The following CFAP69 variants were observed in gnomAD, a reference collection of about 807,000 sequenced individuals.
The protein encoded by CFAP69 is cilia and flagella associated protein 69, also known as cilia- and flagella-associated protein 69.
Under a neutral mutation model 123.0 loss-of-function variants are expected in CFAP69, and 92 were observed. The observed-to-expected ratio is 0.75, with a 90% CI of 0.63 to 0.89. The LOEUF (loss-of-function observed/expected upper bound fraction) is 0.89. Among genes scored for constraint, CFAP69 ranks in the 40% least tolerant of loss-of-function variants. The probability of loss-of-function intolerance (pLI) is 0.00; values close to 1 mark genes in which losing one functional copy is unlikely to be tolerated. For synonymous variants in CFAP69, 380 were observed against 364.3 expected (o/e 1.04, Z -0.49); for missense variants, 1,067 against 1,096.9 (o/e 0.97, Z 0.39).
At position 90,303,974 on chromosome 7, in the gene CFAP69, A is replaced by G; in HGVS notation, c.2056A>G (p.Lys686Glu). The G allele has an allele frequency of 2.6e-6, 4 of 1,548,662 alleles. No individual in the cohort carries two copies. Among genetic ancestry groups the G allele is most frequent in the Non-Finnish European group, 2.6e-6 (3 of 1,145,454 alleles). ...TCATGCTATCCAATGATTAGATACA[A>G]AAAAACCTCTATTTACTAGCTTTCA... The part of the protein sequence containing the change: ...RDKNGKIIDT[K>E]KPLFTSFQEE... The change falls in exon 18 of 23, where the codon AAA becomes GAA. Residue 686 changes from lysine to glutamate, a missense_variant. Physicochemically the swap from Lys to Glu is moderately conservative, Grantham distance 56. Transcript: ENST00000389297.
chr7:90,293,332 A>G (rs1791475235), intron 15 of CFAP69, among the ~76,000 whole-genome samples: 1 of 152,208 alleles, frequency 6.6e-6, no homozygotes, highest in Non-Finnish European at 1.5e-5. Flanking sequence ...TAAGATTCTC[A>G]TAAACCTTTT....
At chr7:90,313,588 G>A (rs551114045), downstream of CFAP69, among the ~76,000 whole-genome samples, 5 of 152,150 alleles carry the variant, frequency 3.3e-5, no homozygotes, top group African/African-American at 1.2e-4. Context: ...ATCTTACTGA[G>A]CTCCCAGTGG....
At position 90,304,705 on chromosome 7, in the gene CFAP69, T is replaced by C. The variant is rs754699696; in HGVS notation, c.2189-39T>C. 10 of 1,580,894 alleles carry C rather than the reference T, an allele frequency of 6.3e-6. No individual in the cohort carries two copies. The African/African-American group carries it at 1.1e-4, about 17-fold the overall frequency. ...TAGATAGATTCTTAGAATCACTTGC[T>C]CTGCTAAAGTAATTCTGTCTTTATA... is the stretch of plus-strand genomic sequence containing the variant. On this transcript the variant is annotated intron_variant, in intron 18 of 22. Coordinates refer to ENST00000389297, the MANE Select transcript of CFAP69 (RefSeq NM_001039706.3).
rs1794212375 is a variant in CFAP69, at chr7:90,310,433, C to T, written c.*195C>T. The T allele has an allele frequency of 3.2e-6, 1 of 315,546 alleles. No homozygotes were observed. Among genetic ancestry groups the T allele is most frequent in the Admixed American group, 4.7e-5 (1 of 21,398 alleles). The allele number at this position is 315,546 out of a possible 1,614,324, so 19.5% of individuals were successfully genotyped here. A position where few individuals can be genotyped will look rare whatever the true frequency, so the allele number is the denominator to read the frequency against. Reference sequence around the variant, plus strand: ...CATGTAATATCAGAAGAGTTGTCATCAGTTTCTTTGGAAAGGCTACCAATT... The same window carrying T: ...CATGTAATATCAGAAGAGTTGTCATTAGTTTCTTTGGAAAGGCTACCAATT... On this transcript the variant is annotated 3_prime_UTR_variant, in exon 23 of 23. Coordinates refer to ENST00000389297, the MANE Select transcript of CFAP69 (RefSeq NM_001039706.3).
chr7:90,309,972 G>A, intron 22 of CFAP69, 96 bp from the exon 23 acceptor site: 1 of 967,082 alleles, frequency 1.0e-6, no homozygotes, highest in Non-Finnish European at 1.6e-6. Context: ...CATTACATTT[G>A]TGTCTTTTCA....
intron 17 of CFAP69, chr7:90,301,432 C>G (rs1464883902): frequency 6.6e-6 from 1 of 152,054 alleles, no homozygotes; most frequent in Non-Finnish European, 1.5e-5. Flanking sequence ...CACCCAGGTA[C>G]TAAGCCTAGT....
rs779645081 is a variant in CFAP69 at position 90,310,057 on chromosome 7, T to C, written c.2656-11T>C. 2 of 1,601,630 alleles carry C rather than the reference T, an allele frequency of 1.2e-6. No homozygotes were observed. The highest frequency in any genetic ancestry group is 1.7e-6 in the Non-Finnish European group (2 of 1,173,744). Reference sequence around the variant, plus strand: ...AATGGACTTTTAGATATTTACCTTTTGCCTTTTTAGGTGCCCTCTGGTGGA... The same window carrying C: ...AATGGACTTTTAGATATTTACCTTTCGCCTTTTTAGGTGCCCTCTGGTGGA... On this transcript the variant is annotated splice_polypyrimidine_tract_variant and intron_variant, in intron 22 of 22. Coordinates refer to ENST00000389297, the MANE Select transcript of CFAP69 (RefSeq NM_001039706.3).
intron 17 of CFAP69, chr7:90,300,674 G>C: frequency 4.0e-6 from 1 of 249,222 alleles, no homozygotes. Flanking sequence ...TTGTGAGACA[G>C]GGTTTCACTC....
chr7:90,263,467 G>C (rs184928191), intron 4 of CFAP69, among the ~76,000 whole-genome samples: 427 of 152,174 alleles, frequency 2.8e-3, no homozygotes, highest in African/African-American at 9.7e-3. Context: ...TAAACTTTTT[G>C]GTTGAAAACT....
chr7:90,264,910 C>A (rs2116815219), intron 4 of CFAP69, among the ~76,000 whole-genome samples: 1 of 152,224 alleles, frequency 6.6e-6, no homozygotes, highest in East Asian at 1.9e-4. Flanking sequence ...TCTCCTGCCT[C>A]AGCCTCCCGA....
At chr7:90,292,766 T>C (rs1247969143) in intron 15 of CFAP69, among the ~76,000 whole-genome samples, 1 of 152,180 alleles carries the variant, frequency 6.6e-6, no homozygotes, top group South Asian at 2.1e-4. Context: ...ATTTTAGACT[T>C]CTGTTAGTTT....
chr7:90,263,618 A>C (rs1406235492), intron 4 of CFAP69, among the ~76,000 whole-genome samples: 1 of 152,174 alleles, frequency 6.6e-6, no homozygotes, highest in East Asian at 1.9e-4. Flanking sequence ...TATTTGTTTC[A>C]AATGACAAAT....
chr7:90,311,154 A>C (rs1434813285), downstream of CFAP69: 3 of 152,068 alleles, frequency 2.0e-5, no homozygotes, highest in African/African-American at 7.2e-5. Flanking sequence ...GTCAAAGAAT[A>C]GGAGATAAAT....
At chr7:90,272,106 T>A (rs1299187072) in intron 8 of CFAP69, 148 bp downstream of exon 8, 1 of 717,216 alleles carries the variant, frequency 1.4e-6, no homozygotes, top group East Asian at 2.9e-5. Flanking sequence ...TGTTCCATGG[T>A]ATAAATGAAT....
downstream of CFAP69, among the ~76,000 whole-genome samples, chr7:90,311,799 C>T (rs1250163298): frequency 6.6e-6 from 1 of 152,132 alleles, no homozygotes; most frequent in Admixed American, 6.6e-5. Flanking sequence ...TCCTCTTGTG[C>T]CCCATAGGAG....
intron 9 of CFAP69, among the ~76,000 whole-genome samples, chr7:90,274,742 G>T (rs1462545699): frequency 1.3e-5 from 2 of 152,102 alleles, no homozygotes; most frequent in Non-Finnish European, 2.9e-5. Flanking sequence ...CTGTTTTCAA[G>T]ATTTTAACTC....
intron 1 of CFAP69, among the ~76,000 whole-genome samples, chr7:90,253,639 GCCT>G (rs953994645): frequency 6.6e-5 from 10 of 152,052 alleles, no homozygotes; most frequent in Non-Finnish European, 1.3e-4. Flanking sequence ...TGATCCACCC[GCCT>G]CCTCCTCTCA....
intron 1 of CFAP69, among the ~76,000 whole-genome samples, chr7:90,246,088 C>T (rs1172364124): frequency 6.6e-6 from 1 of 152,134 alleles, no homozygotes; most frequent in Non-Finnish European, 1.5e-5. Context: ...GGTTGTTACA[C>T]GTTGGGTCGG....
downstream of CFAP69, among the ~76,000 whole-genome samples, chr7:90,311,316 T>G (rs553602243): frequency 1.4e-4 from 22 of 152,236 alleles, no homozygotes; most frequent in African/African-American, 5.3e-4. Flanking sequence ...CAAGGACCTG[T>G]TTCTTAGGAA....
Sources: allele counts gnomAD v4.1 joint callset (sites outside exome capture counted in the v4.1 genomes callset), GRCh38; gene constraint gnomAD v4.1.1; transcripts MANE v1.5; gene names NCBI Gene and HGNC (gene_info 2026-07-23, HGNC 2026-07-21).